The following ATXN8OS variants were observed in gnomAD, a reference collection of about 807,000 sequenced individuals.
The protein encoded by ATXN8OS is ATXN8 opposite strand lncRNA, also known as ATXN8 opposite strand (non-protein coding).
chr13:70,158,806 C>CAT, intron 4 of ATXN8OS, among the ~76,000 whole-genome samples: 1 of 151,994 alleles, frequency 6.6e-6, no homozygotes, highest in African/African-American at 2.4e-5. Context: ...TTGCCCTGAC[C>CAT]GTTTAAAAAC....
chr13:70,127,623 C>G (rs997868645), intron 2 of ATXN8OS, among the ~76,000 whole-genome samples: 3 of 151,860 alleles, frequency 2.0e-5, no homozygotes, highest in Non-Finnish European at 2.9e-5. Flanking sequence ...GCCCACAACA[C>G]GTACTTTCAC....
chr13:70,133,014 C>A (rs900879376), intron 3 of ATXN8OS, among the ~76,000 whole-genome samples: 1 of 152,200 alleles, frequency 6.6e-6, no homozygotes, highest in Non-Finnish European at 1.5e-5. Flanking sequence ...GACTAATATT[C>A]AACCCTTAAA....
At chr13:70,141,313 C>T (rs935968399) in intron 3 of ATXN8OS, among the ~76,000 whole-genome samples, 24 of 152,226 alleles carry the variant, frequency 1.6e-4, no homozygotes, top group African/African-American at 5.5e-4. Context: ...TGAATAACAC[C>T]TCCTTACATA....
chr13:70,109,138 G>C (rs912746621), intron 1 of ATXN8OS, among the ~76,000 whole-genome samples: 6 of 152,202 alleles, frequency 3.9e-5, no homozygotes, highest in Admixed American at 1.3e-4. Flanking sequence ...GAAGAGTTTA[G>C]GCAATAAATG....
At chr13:70,116,875 T>G (rs1261116473) in intron 2 of ATXN8OS, among the ~76,000 whole-genome samples, 1 of 152,130 alleles carries the variant, frequency 6.6e-6, no homozygotes, top group Non-Finnish European at 1.5e-5. Context: ...GGTCTTTTTC[T>G]TTTCATTTTT....
chr13:70,138,073 A>G (rs1262549346), intron 3 of ATXN8OS, among the ~76,000 whole-genome samples: 1 of 152,210 alleles, frequency 6.6e-6, no homozygotes, highest in Non-Finnish European at 1.5e-5. Flanking sequence ...CACGTGATCC[A>G]ATCACTTTCC....
chr13:70,156,693 T>C (rs1274864151), intron 4 of ATXN8OS, among the ~76,000 whole-genome samples: 1 of 152,162 alleles, frequency 6.6e-6, no homozygotes, highest in Non-Finnish European at 1.5e-5. Flanking sequence ...TAATGTTTTC[T>C]ATGAGAAGCA....
chr13:70,167,723 C>CTTTT (rs4053603), intron 4 of ATXN8OS, among the ~76,000 whole-genome samples: 2,216 of 61,860 alleles, frequency 0.036, 457 homozygotes, highest in Admixed American at 0.039. Context: ...TATGTAACTT[C>CTTTT]TTTTTTTTTT....
rs1016306313 is a variant in ATXN8OS, at chr13:70,142,308, G to A, written n.500-5047G>A. ...ATAACTTGGGGTTATGAGTCCACTG[G>A]GCTTTAGGCTAAAGCTTTTCTTCCA... On this transcript the variant is annotated intron_variant and non_coding_transcript_variant, in intron 3 of 4. Transcript: ENST00000678624. 5.5e-4 allele frequency among the ~76,000 whole-genome samples: 84 copies of A among 152,056 alleles called. 1 individual carries two copies. The highest frequency in any genetic ancestry group is 4.7e-4 in the Non-Finnish European group (32 of 68,018).
At position 70,152,798 on chromosome 13, in the gene ATXN8OS, T is replaced by G. The variant is rs1888887575; in HGVS notation, n.573+5370T>G. ...AAAAAGATTAAGAAGTTGGTTTATT[T>G]ATGTATTTTCATATTATTTACTCAT... is the stretch of plus-strand genomic sequence containing the variant. On this transcript the variant is annotated intron_variant and non_coding_transcript_variant, in intron 4 of 4. Coordinates refer to ENST00000678624, the Ensembl canonical transcript of ATXN8OS. Among the ~76,000 whole-genome samples the G allele has an allele frequency of 2.0e-5, 3 of 152,192 alleles. No homozygotes were observed. The South Asian group carries it at 6.2e-4, about 32-fold the overall frequency.
chr13:70,108,070 T>C (rs992669073), intron 1 of ATXN8OS: 31 of 416,474 alleles, frequency 7.4e-5, no homozygotes, highest in Non-Finnish European at 1.2e-4. Context: ...GTCTGAGCGC[T>C]CCGAAGCTCC....
At chr13:70,110,956 A>G (rs1020701334) in intron 1 of ATXN8OS, among the ~76,000 whole-genome samples, 1 of 152,142 alleles carries the variant, frequency 6.6e-6, no homozygotes, top group African/African-American at 2.4e-5. Flanking sequence ...CAACAAACAC[A>G]CTTTGTTTTA....
chr13:70,145,189 T>C (rs980848784), intron 3 of ATXN8OS, among the ~76,000 whole-genome samples: 1 of 152,188 alleles, frequency 6.6e-6, no homozygotes, highest in African/African-American at 2.4e-5. Flanking sequence ...CTGAGGGCTC[T>C]GTTCTGTTCC....
At chr13:70,109,614 A>T (rs1391491273) in intron 1 of ATXN8OS, among the ~76,000 whole-genome samples, 2 of 152,208 alleles carry the variant, frequency 1.3e-5, no homozygotes, top group Non-Finnish European at 1.5e-5. Context: ...TAGTGCTTTT[A>T]AAATATTGAT....
At chr13:70,119,155 C>A (rs551579345) in intron 2 of ATXN8OS, among the ~76,000 whole-genome samples, 1 of 152,096 alleles carries the variant, frequency 6.6e-6, no homozygotes, top group South Asian at 2.1e-4. Context: ...ATGTTTTAAA[C>A]CCTTACTCTT....
Position 70,167,723 on chromosome 13 carries a change from C to CTTTTTTTTTTTTTTTTTTTTT in ATXN8OS, n.574-2024_574-2004dup, listed in dbSNP as rs4053603. Among the ~76,000 whole-genome samples, 8 of 61,896 alleles carry CTTTTTTTTTTTTTTTTTTTTT rather than the reference C, an allele frequency of 1.3e-4. 2 individuals are homozygous for CTTTTTTTTTTTTTTTTTTTTT. The highest frequency in any genetic ancestry group is 4.5e-4 in the African/African-American group (8 of 17,844). The allele number at this position is 61,896 out of a possible 152,430, so 40.6% of individuals were successfully genotyped here. ...AATACTATCACAACATATGTAACTT[C>CTTTTTTTTTTTTTTTTTTTTT]TTTTTTTTTTTTTTTTTTTTTTTTT... On this transcript the variant is annotated intron_variant and non_coding_transcript_variant, in intron 4 of 4. Coordinates refer to ENST00000678624, the Ensembl canonical transcript of ATXN8OS.
chr13:70,117,093 T>C (rs972944604), intron 2 of ATXN8OS, among the ~76,000 whole-genome samples: 1 of 152,136 alleles, frequency 6.6e-6, no homozygotes, highest in Non-Finnish European at 1.5e-5. Flanking sequence ...CTTGTACTTA[T>C]GCAACATGAA....
chr13:70,109,089 A>G (rs1289900383), intron 1 of ATXN8OS, among the ~76,000 whole-genome samples: 3 of 152,250 alleles, frequency 2.0e-5, no homozygotes, highest in African/African-American at 7.2e-5. Flanking sequence ...ATTTCAAGGT[A>G]TAACCTTCTA....
intron 3 of ATXN8OS, among the ~76,000 whole-genome samples, chr13:70,145,820 C>T (rs993998307): frequency 6.6e-5 from 10 of 151,782 alleles, no homozygotes; most frequent in South Asian, 2.1e-4. Context: ...TAGAAGAAAA[C>T]GTTGGCAATA....
Sources: allele counts gnomAD v4.1 joint callset (sites outside exome capture counted in the v4.1 genomes callset), GRCh38; gene constraint gnomAD v4.1.1; transcripts MANE v1.5; gene names NCBI Gene and HGNC (gene_info 2026-07-23, HGNC 2026-07-21).